Variants in GPR161 observed in about 807,000 individuals in gnomAD.
GPR161 encodes G-protein coupled receptor RE2.
GPR161 carries 25 observed loss-of-function variants against 39.2 expected under a neutral mutation model. The ratio of observed to expected loss-of-function variants is 0.64; its 90% CI spans 0.47 to 0.89. The LOEUF is 0.89. GPR161 is among the 40% of genes least tolerant of loss of function. The pLI is 0.00. For synonymous variants in GPR161, 286 were observed against 276.6 expected, an observed-to-expected ratio of 1.03 and a Z score of -0.34; for missense variants, 547 against 677.8, an observed-to-expected ratio of 0.81 and a Z score of 2.14.
At chr1:168,087,738 A>G (rs1331806504) in intron 4 of GPR161, 34 bp from the exon 5 acceptor site, 1 of 1,580,852 alleles carries the variant, frequency 6.3e-7, no homozygotes, top group Non-Finnish European at 8.6e-7. Flanking sequence ...ATATGTAACT[A>G]CAATCTAAAG....
At position 168,097,148 on chromosome 1, in the gene GPR161, A is replaced by C; in HGVS notation, c.459T>G (p.Leu153=). ...GTGGCAGGCAGCCGATGAGCGAGTG[A>C]AGCCAGATGTAGACAAGTGCCATCA... ...RAVMALVYIW[L]HSLIGCLPPL... is the part of the protein sequence containing the mutation. The change falls in exon 3 of 6, where the codon CTT becomes CTG. Residue 153 remains leucine, a synonymous_variant. Coordinates refer to ENST00000682931, the MANE Select transcript of GPR161 (RefSeq NM_001375883.1). 1 of 1,614,118 alleles carries C rather than the reference A, an allele frequency of 6.2e-7. No homozygotes were observed. The highest frequency in any genetic ancestry group is 8.5e-7 in the Non-Finnish European group (1 of 1,180,046).
intron 1 of GPR161, among the ~76,000 whole-genome samples, chr1:168,127,884 A>G (rs1410387453): frequency 1.3e-5 from 2 of 152,178 alleles, no homozygotes; most frequent in Non-Finnish European, 2.9e-5. Flanking sequence ...ATGAAATGGA[A>G]GACAGAAAAG....
In GPR161 at chr1:168,082,298, G is replaced by A. The variant is rs1694131369; in HGVS notation, c.*3233C>T. 2 of 152,360 alleles carry A rather than the reference G, an allele frequency of 1.3e-5. No individual in the cohort carries two copies. Among genetic ancestry groups the A allele is most frequent in the East Asian group, 1.9e-4 (1 of 5,182 alleles). The allele number at this position is 152,360 out of a possible 1,614,324, so 9.4% of individuals were successfully genotyped here. A position where few individuals can be genotyped will look rare whatever the true frequency, so the allele number is the denominator to read the frequency against. ...TGGATGGGGTCATGCATGTAAGCAG[G>A]CTAGCCAGGTGGTCCTTGGTCACCA... On this transcript the variant is annotated 3_prime_UTR_variant, in exon 6 of 6. Transcript: ENST00000682931.
chr1:168,098,137 G>T lies in GPR161; in HGVS notation c.375-905C>A, dbSNP rs551557557. Among the ~76,000 whole-genome samples, 1 of 152,282 alleles carries T rather than the reference G, an allele frequency of 6.6e-6. No homozygotes were observed. Among genetic ancestry groups the T allele is most frequent in the African/African-American group, 2.4e-5 (1 of 41,554 alleles). On this transcript the variant is annotated intron_variant, in intron 2 of 5. Transcript: ENST00000682931. The surrounding 1 kb of genome is among the most constrained non-coding windows in gnomAD (Gnocchi z 4.1). ...AGACCCAGGTCTCACAGCGTTGGAG[G>T]CACTGACCCAGGACCACCCCAGGCA... is the stretch of plus-strand genomic sequence containing the variant.
At chr1:168,134,914 G>A in intron 1 of GPR161, 1 of 1,535,528 alleles carries the variant, frequency 6.5e-7, no homozygotes. Flanking sequence ...ACCTCCTCTT[G>A]CTGACATTTA....
At chr1:168,128,816 T>C (rs928675350) in intron 1 of GPR161, among the ~76,000 whole-genome samples, 3 of 152,220 alleles carry the variant, frequency 2.0e-5, no homozygotes, top group Non-Finnish European at 2.9e-5. Context: ...CTGATGGCCA[T>C]ATGTGAGATG....
chr1:168,084,948 C>T lies in GPR161; in HGVS notation c.*583G>A, dbSNP rs1390603488. The T allele has an allele frequency of 5.7e-5, 26 of 456,164 alleles. No individual in the cohort carries two copies. The highest frequency in any genetic ancestry group is 8.0e-5 in the African/African-American group (4 of 50,072). 28.3% of individuals were successfully genotyped at this position (456,164 alleles called of 1,614,324 possible). On this transcript the variant is annotated 3_prime_UTR_variant, in exon 6 of 6. Coordinates refer to ENST00000682931, the MANE Select transcript of GPR161 (RefSeq NM_001375883.1). ...ACCAGCAGGTGGCGCCACTGAGGAC[C>T]GCTCCGAAGCGCTCTGCTCCTGGGT...
Position 168,084,949 on chromosome 1 carries a change from G to A in GPR161, c.*582C>T, listed in dbSNP as rs1169165448. On this transcript the variant is annotated 3_prime_UTR_variant, in exon 6 of 6. Coordinates refer to ENST00000682931, the MANE Select transcript of GPR161 (RefSeq NM_001375883.1). ...CCAGCAGGTGGCGCCACTGAGGACC[G>A]CTCCGAAGCGCTCTGCTCCTGGGTG... The A allele has an allele frequency of 8.8e-6, 4 of 456,164 alleles. No homozygotes were observed. The East Asian group carries it at 2.8e-4, about 32-fold the overall frequency. The allele number at this position is 456,164 out of a possible 1,614,324, so 28.3% of individuals were successfully genotyped here.
intron 2 of GPR161, among the ~76,000 whole-genome samples, chr1:168,099,929 A>G (rs1178357225): frequency 2.0e-5 from 3 of 151,706 alleles, no homozygotes; most frequent in African/African-American, 7.3e-5. Context: ...AGCCAGGCGC[A>G]GTGGCTCACA....
chr1:168,125,830 C>A (rs1698548954), intron 1 of GPR161, among the ~76,000 whole-genome samples: 1 of 152,142 alleles, frequency 6.6e-6, no homozygotes, highest in Non-Finnish European at 1.5e-5. Context: ...GTTAGCCAGG[C>A]TGGTCTCAAA....
chr1:168,099,568 A>G (rs1695889604), intron 2 of GPR161, among the ~76,000 whole-genome samples: 1 of 152,086 alleles, frequency 6.6e-6, no homozygotes, highest in African/African-American at 2.4e-5. Flanking sequence ...AGTTATTATT[A>G]CTACTTTATG....
chr1:168,135,538 G>A (rs1332918757), intron 1 of GPR161, among the ~76,000 whole-genome samples: 1 of 152,144 alleles, frequency 6.6e-6, no homozygotes, highest in Non-Finnish European at 1.5e-5. Flanking sequence ...CTGCCCTGAG[G>A]GCCTGAAAAA....
chr1:168,097,144 A>G lies in GPR161; in HGVS notation c.463T>C (p.Ser155Pro). The change falls in exon 3 of 6, where the codon TCG becomes CCG. Residue 155 changes from serine to proline, a missense_variant. Transcript: ENST00000682931. ...AGGGGTGGCAGGCAGCCGATGAGCG[A>G]GTGAAGCCAGATGTAGACAAGTGCC... Reference protein sequence around the residue: ...VMALVYIWLHSLIGCLPPLFG... With the variant: ...VMALVYIWLHPLIGCLPPLFG... 2 of 1,614,138 alleles carry G rather than the reference A, an allele frequency of 1.2e-6. No homozygotes were observed. The highest frequency in any genetic ancestry group is 1.7e-6 in the Non-Finnish European group (2 of 1,180,040).
chr1:168,115,061 T>A (rs1697512100), intron 1 of GPR161, among the ~76,000 whole-genome samples: 1 of 152,138 alleles, frequency 6.6e-6, no homozygotes, highest in East Asian at 1.9e-4. Flanking sequence ...AACCCAGGGT[T>A]GTAGCAGCTG....
At chr1:168,088,035 A>C (rs1694714552) in intron 4 of GPR161, 1 of 238,500 alleles carries the variant, frequency 4.2e-6, no homozygotes, top group Non-Finnish European at 8.1e-6. Context: ...AGGGCCGAGT[A>C]GAGGAGAGGG....
At chr1:168,135,103 G>A in intron 1 of GPR161, 5 of 1,444,800 alleles carry the variant, frequency 3.5e-6, no homozygotes, top group Non-Finnish European at 4.6e-6. Context: ...TGTCAAGCGG[G>A]CCTCTTAATG....
At chr1:168,100,210 C>CAA (rs35900694) in intron 2 of GPR161, among the ~76,000 whole-genome samples, 1,656 of 53,912 alleles carry the variant, frequency 0.031, 79 homozygotes, top group African/African-American at 0.065. Context: ...GACCCTGTCT[C>CAA]AAAAAAAAAA....
intron 1 of GPR161, among the ~76,000 whole-genome samples, chr1:168,130,651 T>TC (rs1455281923): frequency 2.0e-5 from 3 of 152,200 alleles, no homozygotes. Context: ...ATATGTTCCC[T>TC]CTCTATGCCC....
chr1:168,101,798 T>C (rs1183000812), intron 2 of GPR161, among the ~76,000 whole-genome samples: 1 of 152,136 alleles, frequency 6.6e-6, no homozygotes, highest in Non-Finnish European at 1.5e-5. Context: ...ACTTCTACTT[T>C]CTTTTTCTTT....
Sources: allele counts gnomAD v4.1 joint callset (sites outside exome capture counted in the v4.1 genomes callset), GRCh38; gene constraint gnomAD v4.1.1; non-coding constraint Gnocchi (gnomAD v3.1); transcripts MANE v1.5; gene names NCBI Gene and HGNC (gene_info 2026-07-23, HGNC 2026-07-21).